The following BEND7 variants were observed in gnomAD, a reference collection of about 807,000 sequenced individuals.
BEND7 encodes the protein BEN domain-containing protein 7.
BEND7 carries 28 observed loss-of-function variants against 50.9 expected under a neutral mutation model. The ratio of observed to expected loss-of-function variants is 0.55; its 90% CI spans 0.41 to 0.75. BEND7 has a LOEUF of 0.75. Among genes scored for constraint, BEND7 ranks in the 30% least tolerant of loss-of-function variants. BEND7 has a pLI of 0.00. For synonymous variants in BEND7, 170 were observed against 183.9 expected (o/e 0.92, Z 0.61); for missense variants, 477 against 491.3 (o/e 0.97, Z 0.28).
chr10:13,458,833 C>T (rs1839591174), intron 6 of BEND7, among the ~76,000 whole-genome samples: 1 of 152,056 alleles, frequency 6.6e-6, no homozygotes, highest in South Asian at 2.1e-4. Context: ...TCTGAGTGAG[C>T]GGACCACAAC....
At chr10:13,502,900 A>AACTG in intron 2 of BEND7, 1 of 985,640 alleles carries the variant, frequency 1.0e-6, no homozygotes, top group Non-Finnish European at 1.2e-6. Context: ...TCTCTACACT[A>AACTG]ACTGACACAT....
At chr10:13,504,202 G>C (rs754698953) in intron 2 of BEND7, among the ~76,000 whole-genome samples, 1 of 152,194 alleles carries the variant, frequency 6.6e-6, no homozygotes, top group Non-Finnish European at 1.5e-5. Context: ...GTAGAAGCTC[G>C]TTGAGTGTGG....
chr10:13,472,088 G>A (rs1023276308), intron 6 of BEND7, among the ~76,000 whole-genome samples: 48 of 151,890 alleles, frequency 3.2e-4, no homozygotes, highest in Admixed American at 9.8e-4. Context: ...TGTTAGACTC[G>A]GGGTCGATAC....
chr10:13,507,390 T>C (rs931225151), intron 2 of BEND7, among the ~76,000 whole-genome samples: 2 of 152,100 alleles, frequency 1.3e-5, no homozygotes, highest in Non-Finnish European at 2.9e-5. Context: ...ACACAGGGCG[T>C]CTGAAAGAAA....
intron 2 of BEND7, among the ~76,000 whole-genome samples, chr10:13,505,335 C>T (rs1051377629): frequency 6.6e-6 from 1 of 152,220 alleles, no homozygotes; most frequent in Non-Finnish European, 1.5e-5. Flanking sequence ...CAGTAACTCC[C>T]TCTCAGTCGC....
downstream of BEND7, among the ~76,000 whole-genome samples, chr10:13,440,731 G>A (rs1890876): frequency 0.31 from 47,660 of 152,228 alleles, 8,896 homozygotes; most frequent in East Asian, 0.68. Context: ...TGATTTGTCC[G>A]TCTGATGTGT....
chr10:13,487,237 C>T (rs1315796496), intron 5 of BEND7, among the ~76,000 whole-genome samples: 1 of 152,114 alleles, frequency 6.6e-6, no homozygotes, highest in Non-Finnish European at 1.5e-5. Flanking sequence ...CCCCAGTTTG[C>T]AGTTGCAAAA....
chr10:13,529,039 G>T, upstream of BEND7: 1 of 144,902 alleles, frequency 6.9e-6, no homozygotes, highest in South Asian at 1.9e-4. Flanking sequence ...CCGGGGCGCT[G>T]ACCGCCCCCG....
At chr10:13,493,008 A>G (rs1388094571) in intron 4 of BEND7, 132 bp from the exon 5 acceptor site, 1 of 1,092,944 alleles carries the variant, frequency 9.1e-7, no homozygotes, top group Non-Finnish European at 1.3e-6. Flanking sequence ...ACACTAAATA[A>G]ATCTCCAACT....
chr10:13,508,245 C>A (rs1401528984), intron 2 of BEND7, among the ~76,000 whole-genome samples: 1 of 152,212 alleles, frequency 6.6e-6, no homozygotes, highest in African/African-American at 2.4e-5. Flanking sequence ...GAGGGACACA[C>A]AAGACTGGGA....
intron 6 of BEND7, among the ~76,000 whole-genome samples, chr10:13,467,789 T>C (rs966153736): frequency 1.3e-5 from 2 of 151,996 alleles, no homozygotes; most frequent in Non-Finnish European, 2.9e-5. Context: ...TTAAGAAACC[T>C]GTGGGAGTGC....
chr10:13,528,388 G>A (rs570238929), intron 1 of BEND7, 85 bp downstream of exon 1: 15 of 611,114 alleles, frequency 2.5e-5, no homozygotes, highest in Non-Finnish European at 2.9e-5. Flanking sequence ...GGCTCCGGGA[G>A]GGCGCGCCCC....
At chr10:13,453,957 T>C (rs1838353435) in intron 6 of BEND7, among the ~76,000 whole-genome samples, 1 of 152,232 alleles carries the variant, frequency 6.6e-6, no homozygotes, top group Non-Finnish European at 1.5e-5. Flanking sequence ...CTATATGTGA[T>C]CTCTACTGTC....
Position 13,441,480 on chromosome 10 carries a change from C to G in BEND7, c.*263G>C. On this transcript the variant is annotated 3_prime_UTR_variant, in exon 9 of 9. Transcript: ENST00000466271. ...TTGGGTTGAACAAGCTCCACCCGTC[C>G]TCAAGTGCTGAACACCCCAAGCTGT... is the stretch of plus-strand genomic sequence containing the variant. 2 of 1,327,448 alleles carry G rather than the reference C, an allele frequency of 1.5e-6. No individual in the cohort carries two copies. The highest frequency in any genetic ancestry group is 2.2e-5 in the South Asian group (1 of 44,768). The allele number at this position is 1,327,448 out of a possible 1,614,324, so 82.2% of individuals were successfully genotyped here.
chr10:13,506,283 C>T (rs751095455), intron 2 of BEND7, among the ~76,000 whole-genome samples: 2 of 152,134 alleles, frequency 1.3e-5, no homozygotes, highest in Admixed American at 6.5e-5. Context: ...CTGTTGGCCC[C>T]GCATGAAAAT....
In BEND7 at chr10:13,521,734, C is replaced by G. The variant is rs115317961; in HGVS notation, c.145+4404G>C. Among the ~76,000 whole-genome samples, 1,498 of 152,318 alleles carry G rather than the reference C, an allele frequency of 9.8e-3. 21 individuals carry two copies. Among genetic ancestry groups the G allele is most frequent in the African/African-American group, 0.034 (1,421 of 41,556 alleles). The stretch of plus-strand genomic sequence containing the variant: ...CCTTCTTCCTCTTGGAAGTGGGGCT[C>G]AGCTCCCAAGCCTTTTGAAACCAAC... On this transcript the variant is annotated intron_variant, in intron 2 of 8. Transcript: ENST00000466271.
chr10:13,455,832 G>GA (rs1031689281), intron 6 of BEND7, among the ~76,000 whole-genome samples: 17 of 152,160 alleles, frequency 1.1e-4, no homozygotes, highest in Admixed American at 3.3e-4. Flanking sequence ...CTGGAGGATG[G>GA]AGGGTGTAGG....
At chr10:13,509,339 C>A (rs1027965567) in intron 2 of BEND7, among the ~76,000 whole-genome samples, 3 of 152,184 alleles carry the variant, frequency 2.0e-5, no homozygotes, top group Non-Finnish European at 4.4e-5. Flanking sequence ...TGTGCAGCTT[C>A]CTACGGACCC....
chr10:13,445,114 G>C (rs558087885), intron 8 of BEND7: 1 of 152,192 alleles, frequency 6.6e-6, no homozygotes, highest in South Asian at 2.1e-4. Context: ...CACCGCGCCC[G>C]GCCTCTTTTC....
Sources: gnomAD v4.1 joint callset for allele counts (sites outside exome capture counted in the v4.1 genomes callset) on GRCh38, gnomAD v4.1.1 for gene constraint, MANE v1.5 for transcripts, NCBI Gene and HGNC (gene_info 2026-07-23, HGNC 2026-07-21) for gene names.